Variants in UNC13C observed in about 807,000 individuals in gnomAD.
UNC13C encodes the protein unc-13 homolog C, also known as protein unc-13 homolog C.
UNC13C carries 174 observed loss-of-function variants against 245.4 expected under a neutral mutation model. The ratio of observed to expected loss-of-function variants is 0.71; its 90% CI spans 0.63 to 0.80. The LOEUF (loss-of-function observed/expected upper bound fraction) is 0.80. Among genes scored for constraint, UNC13C ranks in the 30% least tolerant of loss-of-function variants. UNC13C has a pLI of 0.00. For synonymous variants in UNC13C, 992 were observed against 895.1 expected (o/e 1.11, Z -1.93); for missense variants, 2,829 against 2,602.9 (o/e 1.09, Z -1.89).
chr15:54,382,882 G>A (rs1014770470), intron 17 of UNC13C, among the ~76,000 whole-genome samples: 2 of 152,036 alleles, frequency 1.3e-5, no homozygotes, highest in African/African-American at 4.8e-5. Context: ...CTGATATTTT[G>A]AAATACAAAA....
rs146488441 is a variant in UNC13C at position 54,540,675 on chromosome 15, C to G, written c.5697-6047C>G. ...CCTCTCTAAATAAAACATCTTCCTT[C>G]TTTATGTTGCACTTTCTCCACTAAG... On this transcript the variant is annotated intron_variant, in intron 26 of 32. Coordinates refer to ENST00000260323, the MANE Select transcript of UNC13C (RefSeq NM_001080534.3). 7.6e-3 allele frequency among the ~76,000 whole-genome samples: 1,162 copies of G among 152,228 alleles called. 19 individuals carry two copies. The highest frequency in any genetic ancestry group is 0.027 in the African/African-American group (1,109 of 41,570).
At chr15:53,949,647 C>T in the UNC13C span, among the ~76,000 whole-genome samples, 1 of 152,006 alleles carries the variant, frequency 6.6e-6, no homozygotes, top group Non-Finnish European at 1.5e-5. Context: ...GAGATGAATC[C>T]CAAACAGAGG....
At chr15:54,073,188 A>G (rs1181173481) in intron 2 of UNC13C, among the ~76,000 whole-genome samples, 1 of 152,130 alleles carries the variant, frequency 6.6e-6, no homozygotes, top group Admixed American at 6.5e-5. Flanking sequence ...AGCTTCGTCC[A>G]TGTCCCTGTA....
intron 17 of UNC13C, among the ~76,000 whole-genome samples, chr15:54,375,948 C>T (rs2039598098): frequency 6.6e-6 from 1 of 152,162 alleles, no homozygotes; most frequent in Admixed American, 6.5e-5. Flanking sequence ...AAACAAACAC[C>T]CATTTGCAGC....
intron 19 of UNC13C, among the ~76,000 whole-genome samples, chr15:54,428,862 C>T (rs2040810597): frequency 6.6e-6 from 1 of 151,628 alleles, no homozygotes; most frequent in Admixed American, 6.6e-5. Flanking sequence ...TGCTTCCTGA[C>T]TCCTGCCCCA....
At chr15:54,075,129 A>G (rs1898527309) in intron 2 of UNC13C, among the ~76,000 whole-genome samples, 1 of 152,128 alleles carries the variant, frequency 6.6e-6, no homozygotes, top group African/African-American at 2.4e-5. Context: ...AACACAGTCA[A>G]AGGAAAGGGT....
At chr15:53,883,134 A>G in the UNC13C span, among the ~76,000 whole-genome samples, 3 of 152,208 alleles carry the variant, frequency 2.0e-5, no homozygotes, top group African/African-American at 7.2e-5. Flanking sequence ...ACTCTGTAGG[A>G]AAAGATTTAA....
the UNC13C span, among the ~76,000 whole-genome samples, chr15:53,929,234 G>C: frequency 6.6e-6 from 1 of 152,066 alleles, no homozygotes; most frequent in Non-Finnish European, 1.5e-5. Flanking sequence ...ACTATCAAAA[G>C]AACAGCATAG....
chr15:54,202,834 A>G (rs945970409), intron 4 of UNC13C, among the ~76,000 whole-genome samples: 28 of 152,054 alleles, frequency 1.8e-4, no homozygotes, highest in African/African-American at 5.1e-4. Context: ...AATTAAACTA[A>G]AAAGCATCGG....
intron 10 of UNC13C, among the ~76,000 whole-genome samples, chr15:54,292,923 TAGAG>T (rs1050740258): frequency 1.9e-4 from 28 of 148,414 alleles, no homozygotes; most frequent in East Asian, 9.7e-4. Context: ...AGATTATATA[TAGAG>T]ATAGATATCT....
chr15:54,011,111 A>G (rs1595709654), intron 1 of UNC13C, among the ~76,000 whole-genome samples: 1 of 152,190 alleles, frequency 6.6e-6, no homozygotes. Flanking sequence ...GCTAGAGAGG[A>G]CATAAAAGTT....
intron 4 of UNC13C, among the ~76,000 whole-genome samples, chr15:54,152,681 A>C (rs533959184): frequency 1.3e-5 from 2 of 152,318 alleles, no homozygotes; most frequent in East Asian, 3.9e-4. Context: ...CATTGAGCAG[A>C]ATAATCACTT....
In UNC13C at chr15:54,489,509, A is replaced by G. The variant is rs138244047; in HGVS notation, c.4934-5099A>G. 2.2e-3 allele frequency among the ~76,000 whole-genome samples: 330 copies of G among 152,318 alleles called. 1 individual carries two copies. The highest frequency in any genetic ancestry group is 7.5e-3 in the African/African-American group (313 of 41,570). On this transcript the variant is annotated intron_variant, in intron 19 of 32. Transcript: ENST00000260323. ...TGTGTGTATATATACATCTATATGT[A>G]TGTATATGTATGCAAGAAGAAAGAA...
chr15:53,863,123 A>C, the UNC13C span, among the ~76,000 whole-genome samples: 2 of 152,256 alleles, frequency 1.3e-5, no homozygotes, highest in Admixed American at 1.3e-4. Context: ...AATGGTGGAC[A>C]GGCCTAGGAT....
At chr15:54,241,742 G>A (rs1301854436) in intron 7 of UNC13C, among the ~76,000 whole-genome samples, 1 of 152,218 alleles carries the variant, frequency 6.6e-6, no homozygotes, top group African/African-American at 2.4e-5. Context: ...TGGCCGGCAT[G>A]GCAGGTGGCC....
At chr15:54,027,463 G>A (rs926784842) in intron 2 of UNC13C, among the ~76,000 whole-genome samples, 3 of 152,242 alleles carry the variant, frequency 2.0e-5, no homozygotes, top group Admixed American at 6.5e-5. Flanking sequence ...CCACCCCTCC[G>A]GATTCAAGTG....
At chr15:54,090,770 C>G (rs1321595590) in intron 2 of UNC13C, among the ~76,000 whole-genome samples, 1 of 152,156 alleles carries the variant, frequency 6.6e-6, no homozygotes, top group Non-Finnish European at 1.5e-5. Flanking sequence ...GACTCTCAGC[C>G]TGAAAGCTCC....
intron 30 of UNC13C, among the ~76,000 whole-genome samples, chr15:54,598,874 G>C (rs192331980): frequency 1.3e-5 from 2 of 152,208 alleles, no homozygotes; most frequent in Non-Finnish European, 2.9e-5. Context: ...TTTGACAAGA[G>C]TTTGTTTTCC....
At chr15:54,483,702 G>C (rs1893252442) in intron 19 of UNC13C, among the ~76,000 whole-genome samples, 1 of 152,150 alleles carries the variant, frequency 6.6e-6, no homozygotes, top group Non-Finnish European at 1.5e-5. Context: ...CACCCCGTCT[G>C]CCTCTGCCTC....
Sources: gnomAD v4.1 joint callset for allele counts (sites outside exome capture counted in the v4.1 genomes callset) on GRCh38, gnomAD v4.1.1 for gene constraint, MANE v1.5 for transcripts, NCBI Gene and HGNC (gene_info 2026-07-23, HGNC 2026-07-21) for gene names.